PREX2: variants seen among roughly 807,000 people sequenced by gnomAD.
The protein encoded by PREX2 is phosphatidylinositol 3,4,5-trisphosphate-dependent Rac exchanger 2 protein.
A neutral mutation model predicts 203.2 loss-of-function variants in PREX2; 107 were observed. That is an observed-to-expected ratio of 0.53 (90% CI 0.45 to 0.62). The LOEUF (loss-of-function observed/expected upper bound fraction) is 0.62, where lower values mean the gene tolerates loss of function less well. PREX2 is among the 20% of genes least tolerant of loss of function. The pLI is 0.00. For synonymous variants in PREX2, 672 were observed against 663.6 expected, an observed-to-expected ratio of 1.01 and a Z score of -0.19; for missense variants, 1,777 against 1,955.9, an observed-to-expected ratio of 0.91 and a Z score of 1.72.
At chr8:68,089,633 T>A (rs4625019) in intron 19 of PREX2, among the ~76,000 whole-genome samples, 70,646 of 151,982 alleles carry the variant, frequency 0.46, 16,906 homozygotes, top group African/African-American at 0.57. Flanking sequence ...TAAGACTCAA[T>A]TCAATGCAGA....
At chr8:67,971,105 C>CAGAT (rs1459812843) in intron 1 of PREX2, among the ~76,000 whole-genome samples, 1 of 152,020 alleles carries the variant, frequency 6.6e-6, no homozygotes, top group African/African-American at 2.4e-5. Flanking sequence ...AGCTTGGGGC[C>CAGAT]AGATGGTGAA....
At chr8:68,094,482 G>A (rs925347362) in intron 21 of PREX2, among the ~76,000 whole-genome samples, 3 of 152,100 alleles carry the variant, frequency 2.0e-5, no homozygotes, top group African/African-American at 7.2e-5. Context: ...GGCGACAGAG[G>A]CAATTACATT....
intron 39 of PREX2, among the ~76,000 whole-genome samples, chr8:68,230,568 T>C (rs1813148995): frequency 6.6e-6 from 1 of 152,120 alleles, no homozygotes; most frequent in South Asian, 2.1e-4. Flanking sequence ...GGTTCTGCTG[T>C]TATCATTTAA....
intron 5 of PREX2, among the ~76,000 whole-genome samples, chr8:68,028,222 C>CAT (rs140625646): frequency 1.1e-3 from 161 of 149,264 alleles, no homozygotes; most frequent in African/African-American, 2.2e-3. Context: ...ATTCTGAATA[C>CAT]ATATATATAT....
chr8:68,056,108 C>G, intron 10 of PREX2, 134 bp downstream of exon 10: 1 of 812,478 alleles, frequency 1.2e-6, no homozygotes, highest in Non-Finnish European at 1.9e-6. Flanking sequence ...GTTGCCATTT[C>G]CTGGGCGGTA....
In PREX2 at chr8:68,069,061, A is replaced by C. The variant is rs746483385; in HGVS notation, c.1368A>C (p.Glu456Asp). 4 of 1,540,092 alleles carry C rather than the reference A, an allele frequency of 2.6e-6. No homozygotes were observed. Among genetic ancestry groups the C allele is most frequent in the Non-Finnish European group, 3.5e-6 (4 of 1,138,662 alleles). ...HVTDKHQFKPEQMLYRFRYDD... is the reference protein window; with the variant it reads ...HVTDKHQFKPDQMLYRFRYDD... ...CTGATAAACATCAATTCAAACCAGA[A>C]CAGATGTTATATAGATTTCGCTATG... Residue 456 changes from glutamate (E) to aspartate (D), a missense_variant, in exon 12 of 40, where the codon GAA becomes GAC. By Grantham distance (45) the Glu-to-Asp change is conservative. Coordinates refer to ENST00000288368, the MANE Select transcript of PREX2 (RefSeq NM_024870.4).
chr8:68,229,505 A>T (rs1813124675), intron 39 of PREX2, among the ~76,000 whole-genome samples: 1 of 152,204 alleles, frequency 6.6e-6, no homozygotes, highest in South Asian at 2.1e-4. Flanking sequence ...GTTTGAACTC[A>T]AATAACCCTG....
chr8:67,995,967 T>C (rs549840085), intron 1 of PREX2, among the ~76,000 whole-genome samples: 23 of 152,306 alleles, frequency 1.5e-4, no homozygotes, highest in African/African-American at 5.3e-4. Context: ...GTTCCAGCTG[T>C]TTCATAGCCT....
At chr8:68,132,513 TA>T (rs1328155366) in intron 31 of PREX2, among the ~76,000 whole-genome samples, 1 of 152,108 alleles carries the variant, frequency 6.6e-6, no homozygotes, top group African/African-American at 2.4e-5. Context: ...ATCTTTCTAA[TA>T]AAATTTTCAA....
chr8:68,100,179 T>G (rs551307919), intron 23 of PREX2: 1 of 468,660 alleles, frequency 2.1e-6, no homozygotes, highest in Non-Finnish European at 4.3e-6. Flanking sequence ...ACTATAGTTC[T>G]TCTTTTCTTT....
chr8:67,958,701 C>T (rs1031225390), intron 1 of PREX2, among the ~76,000 whole-genome samples: 2 of 152,160 alleles, frequency 1.3e-5, no homozygotes, highest in Admixed American at 1.3e-4. Context: ...ATCAAACGCC[C>T]AACTATGAGG....
At chr8:67,991,685 G>A (rs1806613630) in intron 1 of PREX2, among the ~76,000 whole-genome samples, 2 of 152,042 alleles carry the variant, frequency 1.3e-5, no homozygotes, top group Admixed American at 1.3e-4. Context: ...AGGATTATGG[G>A]GATTACAATT....
chr8:68,222,243 C>T (rs929984471), intron 38 of PREX2, among the ~76,000 whole-genome samples: 1 of 151,978 alleles, frequency 6.6e-6, no homozygotes, highest in Non-Finnish European at 1.5e-5. Flanking sequence ...TTCTAAATAC[C>T]ATTCTCCAAT....
rs60606311 is a variant in PREX2 at position 68,217,557 on chromosome 8, C to T, written c.4605-59C>T. 5.1e-3 allele frequency: 6,247 copies of T among 1,222,766 alleles called. 172 individuals carry two copies. In the African/African-American group the frequency reaches 0.07, roughly 14 times the overall value. 75.7% of individuals were successfully genotyped at this position (1,222,766 alleles called of 1,614,324 possible). ...TGATTTTGTGATTAGTAATCCACAT[C>T]ATCTCAAAGGGTGTATCAGGAACCA... On this transcript the variant is annotated intron_variant, in intron 37 of 39. Coordinates refer to ENST00000288368, the MANE Select transcript of PREX2 (RefSeq NM_024870.4).
At chr8:67,956,278 G>A (rs921277294) in intron 1 of PREX2, among the ~76,000 whole-genome samples, 10 of 152,338 alleles carry the variant, frequency 6.6e-5, no homozygotes, top group African/African-American at 2.4e-4. Flanking sequence ...CTGTGACAGA[G>A]CCTGCCGAGA....
chr8:68,066,484 T>C (rs1809020075), intron 11 of PREX2, among the ~76,000 whole-genome samples: 2 of 152,334 alleles, frequency 1.3e-5, no homozygotes, highest in African/African-American at 4.8e-5. Context: ...TGAACAACTT[T>C]TCATATGCCT....
At chr8:68,196,298 T>A (rs2129614790) in intron 37 of PREX2, among the ~76,000 whole-genome samples, 1 of 150,232 alleles carries the variant, frequency 6.7e-6, no homozygotes, top group South Asian at 2.1e-4. Flanking sequence ...TAAATACGAT[T>A]AAAAGGTAGT....
At chr8:68,157,706 G>T (rs562035043) in intron 35 of PREX2, among the ~76,000 whole-genome samples, 2 of 151,946 alleles carry the variant, frequency 1.3e-5, no homozygotes, top group Non-Finnish European at 2.9e-5. Context: ...GTAGTAGACC[G>T]TTTCCAAGAA....
chr8:68,030,078 G>A (rs952263615), intron 5 of PREX2, among the ~76,000 whole-genome samples: 2 of 151,918 alleles, frequency 1.3e-5, no homozygotes, highest in Non-Finnish European at 2.9e-5. Flanking sequence ...TAGAAAATAG[G>A]ATTTCTAAAT....
Sources: allele counts gnomAD v4.1 joint callset (sites outside exome capture counted in the v4.1 genomes callset), GRCh38; gene constraint gnomAD v4.1.1; transcripts MANE v1.5; gene names NCBI Gene and HGNC (gene_info 2026-07-23, HGNC 2026-07-21).